The following GALNT14 variants were observed in gnomAD, a reference collection of about 807,000 sequenced individuals.
GALNT14 encodes polypeptide N-acetylgalactosaminyltransferase 14.
A neutral mutation model predicts 77.5 loss-of-function variants in GALNT14; 60 were observed. The ratio of observed to expected loss-of-function variants is 0.77; its 90% CI spans 0.63 to 0.96. The LOEUF (loss-of-function observed/expected upper bound fraction) is 0.96, where lower values mean the gene tolerates loss of function less well. Among genes scored for constraint, GALNT14 ranks in the 40% least tolerant of loss-of-function variants. The probability of loss-of-function intolerance (pLI) is 0.00; values close to 1 mark genes in which losing one functional copy is unlikely to be tolerated. For missense variants in GALNT14, 710 were observed against 731.0 expected, an observed-to-expected ratio of 0.97 and a Z score of 0.33; for synonymous variants, 280 against 281.7, an observed-to-expected ratio of 0.99 and a Z score of 0.06.
intron 1 of GALNT14, among the ~76,000 whole-genome samples, chr2:31,012,536 G>C (rs1481424412): frequency 1.3e-5 from 2 of 152,116 alleles, no homozygotes; most frequent in African/African-American, 4.8e-5. Context: ...AGGCCCTCAG[G>C]CTACAGACAA....
intron 1 of GALNT14, among the ~76,000 whole-genome samples, chr2:31,069,618 T>TG (rs1675215144): frequency 6.6e-6 from 1 of 152,196 alleles, no homozygotes; most frequent in South Asian, 2.1e-4. Context: ...CTTTTAACCC[T>TG]GACCCCAGGA....
chr2:31,089,206 C>A (rs184458467), intron 1 of GALNT14, among the ~76,000 whole-genome samples: 1 of 152,266 alleles, frequency 6.6e-6, no homozygotes, highest in East Asian at 1.9e-4. Context: ...AATCTCAACT[C>A]GAGTGGGACA....
At chr2:31,100,643 T>G (rs1677223639) in intron 1 of GALNT14, among the ~76,000 whole-genome samples, 1 of 151,896 alleles carries the variant, frequency 6.6e-6, no homozygotes, top group Admixed American at 6.6e-5. Context: ...ATTCCTTTAG[T>G]GTTTCCTCAA....
chr2:31,085,232 C>G (rs1676367818), intron 1 of GALNT14, among the ~76,000 whole-genome samples: 1 of 152,178 alleles, frequency 6.6e-6, no homozygotes, highest in South Asian at 2.1e-4. Context: ...CTCCATGCCC[C>G]ACTCCCTCAT....
chr2:30,912,555 A>G (rs1664431551), intron 13 of GALNT14, among the ~76,000 whole-genome samples: 1 of 150,610 alleles, frequency 6.6e-6, no homozygotes, highest in South Asian at 2.1e-4. Context: ...CCACCCCATG[A>G]AGGGGCCTGG....
chr2:30,943,869 C>G (rs1427370116), intron 8 of GALNT14, among the ~76,000 whole-genome samples: 5 of 152,168 alleles, frequency 3.3e-5, no homozygotes, highest in African/African-American at 1.2e-4. Flanking sequence ...CTCAGAGTCC[C>G]CACCCCCATT....
chr2:31,012,937 A>ATC lies in GALNT14; in HGVS notation c.130-19931_130-19930insGA, dbSNP rs1417594978. Among the ~76,000 whole-genome samples, 366 of 152,354 alleles carry ATC rather than the reference A, an allele frequency of 2.4e-3. 2 individuals carry two copies. Among genetic ancestry groups the ATC allele is most frequent in the African/African-American group, 8.5e-3 (352 of 41,590 alleles). ...AGCTAAAGGATTAGATGATTAAATA[A>ATC]AGCAATGGAATAAAGAATGATAAAA... On this transcript the variant is annotated intron_variant, in intron 1 of 14. Coordinates refer to ENST00000349752, the MANE Select transcript of GALNT14 (RefSeq NM_024572.4).
Position 31,047,866 on chromosome 2 carries a change from C to G in GALNT14, c.130-54859G>C, listed in dbSNP as rs954481094. ...ATGGAGTCTTCTTCCCAGCCACAAC[C>G]ACAAAGGGAATGACACACACCAGGA... On this transcript the variant is annotated intron_variant, in intron 1 of 14. Coordinates refer to ENST00000349752, the MANE Select transcript of GALNT14 (RefSeq NM_024572.4). Among the ~76,000 whole-genome samples the G allele has an allele frequency of 3.9e-5, 6 of 152,206 alleles. No individual in the cohort carries two copies. In the South Asian group the frequency reaches 6.2e-4, roughly 16 times the overall value.
At chr2:30,947,021 C>T (rs906757540) in intron 6 of GALNT14, among the ~76,000 whole-genome samples, 1 of 152,140 alleles carries the variant, frequency 6.6e-6, no homozygotes, top group African/African-American at 2.4e-5. Flanking sequence ...TCCCTCCCCG[C>T]AGCACTAAAT....
chr2:30,984,818 AT>A (rs770975881), intron 2 of GALNT14, among the ~76,000 whole-genome samples: 11 of 152,126 alleles, frequency 7.2e-5, no homozygotes, highest in Non-Finnish European at 1.5e-4. Flanking sequence ...GCCTAATGCT[AT>A]TTTGTCTTTT....
Position 31,138,419 on chromosome 2 carries a change from CCGCT to C in GALNT14, c.-337_-334del. 1.2e-5 allele frequency: 4 copies of C among 342,056 alleles called. No homozygotes were observed. Among genetic ancestry groups the C allele is most frequent in the South Asian group, 3.2e-5 (1 of 31,536 alleles). 21.2% of individuals were successfully genotyped at this position (342,056 alleles called of 1,614,324 possible). A position where few individuals can be genotyped will look rare whatever the true frequency, so the allele number is the denominator to read the frequency against. On this transcript the variant is annotated 5_prime_UTR_variant, in exon 1 of 15. Coordinates refer to ENST00000349752, the MANE Select transcript of GALNT14 (RefSeq NM_024572.4). ...GCCGCCGCCGCCGCCGCCGCCTTGC[CCGCT>C]GCCGCCGATAGGGAAACTGACTCGA...
intron 1 of GALNT14, among the ~76,000 whole-genome samples, chr2:31,077,895 T>C (rs1675899210): frequency 6.6e-6 from 1 of 152,210 alleles, no homozygotes; most frequent in Non-Finnish European, 1.5e-5. Context: ...AGGCACCTGA[T>C]CAAGATTTAT....
chr2:31,134,030 G>A (rs1341542085), intron 1 of GALNT14, among the ~76,000 whole-genome samples: 1 of 152,152 alleles, frequency 6.6e-6, no homozygotes, highest in African/African-American at 2.4e-5. Context: ...GGGGCCCAGC[G>A]ACCAGAGATT....
At chr2:31,131,605 CT>C (rs1443855301) in intron 1 of GALNT14, among the ~76,000 whole-genome samples, 3 of 152,266 alleles carry the variant, frequency 2.0e-5, no homozygotes, top group African/African-American at 7.2e-5. Flanking sequence ...TCTTCAAAAA[CT>C]GGTTCCTGGG....
At chr2:31,085,795 C>T (rs893870661) in intron 1 of GALNT14, among the ~76,000 whole-genome samples, 1 of 152,202 alleles carries the variant, frequency 6.6e-6, no homozygotes, top group Non-Finnish European at 1.5e-5. Context: ...CATTTTCATA[C>T]TGCTATGAAG....
chr2:31,103,289 C>A (rs906678826), intron 1 of GALNT14, among the ~76,000 whole-genome samples: 7 of 151,998 alleles, frequency 4.6e-5, no homozygotes, highest in African/African-American at 1.7e-4. Context: ...ATAATCTTAA[C>A]CTATGTCTCT....
chr2:31,090,033 T>C (rs1449884415), intron 1 of GALNT14, among the ~76,000 whole-genome samples: 1 of 152,182 alleles, frequency 6.6e-6, no homozygotes, highest in Non-Finnish European at 1.5e-5. Context: ...TGGGACACCA[T>C]GGACTAACTT....
At chr2:30,983,005 C>T (rs920547102) in intron 2 of GALNT14, among the ~76,000 whole-genome samples, 1 of 152,168 alleles carries the variant, frequency 6.6e-6, no homozygotes, top group Non-Finnish European at 1.5e-5. Flanking sequence ...GAGAGCACCC[C>T]CGGAATGCAG....
intron 1 of GALNT14, among the ~76,000 whole-genome samples, chr2:31,045,770 G>C (rs1673414536): frequency 6.6e-6 from 1 of 152,104 alleles, no homozygotes; most frequent in Non-Finnish European, 1.5e-5. Context: ...GCCTTGATAA[G>C]CCGATTTTAA....
Sources: gnomAD v4.1 joint callset for allele counts (sites outside exome capture counted in the v4.1 genomes callset) on GRCh38, gnomAD v4.1.1 for gene constraint, MANE v1.5 for transcripts, NCBI Gene and HGNC (gene_info 2026-07-23, HGNC 2026-07-21) for gene names.